DISP3: variants seen among roughly 807,000 people sequenced by gnomAD.
DISP3 encodes the protein protein dispatched homolog 3.
A neutral mutation model predicts 135.3 loss-of-function variants in DISP3; 101 were observed. That is an observed-to-expected ratio of 0.75 (90% CI 0.64 to 0.88). DISP3 has a LOEUF of 0.88. Ranked by LOEUF, DISP3 falls within the 40% of genes least tolerant of loss-of-function variation. The pLI, the probability that DISP3 is intolerant of heterozygous loss-of-function variation, is 0.00. For synonymous variants in DISP3, 856 were observed against 817.0 expected, an observed-to-expected ratio of 1.05 and a Z score of -0.81; for missense variants, 1,713 against 1,878.6, an observed-to-expected ratio of 0.91 and a Z score of 1.63.
At chr1:11,507,090 A>G (rs1641724787) in intron 3 of DISP3, among the ~76,000 whole-genome samples, 1 of 152,146 alleles carries the variant, frequency 6.6e-6, no homozygotes, top group Non-Finnish European at 1.5e-5. Context: ...TTATTCAGTG[A>G]TGAACATTAT....
chr1:11,514,329 T>A, intron 3 of DISP3, 61 bp from the exon 4 acceptor site: 1 of 1,527,604 alleles, frequency 6.5e-7, no homozygotes, highest in Non-Finnish European at 9.0e-7. Flanking sequence ...TGTTCACATG[T>A]TCACAGCCAT....
rs200654512 is a variant in DISP3 at position 11,535,031 on chromosome 1, G to T, written c.3556G>T (p.Gly1186Cys). ...TGCAGGGGTGCAGAGCGCCCTGTGC[G>T]GCCTGGTGCTATCCCTGCTCATCTG... is the stretch of plus-strand genomic sequence containing the variant. ...EIVGVQSALC[G>C]LVLSLLICVA... The change falls in exon 19 of 21, where the codon GGC (glycine) becomes TGC (cysteine). Residue 1186 changes from glycine (G) to cysteine (C), a missense_variant. Gly to Cys is a radical substitution (Grantham distance 159, BLOSUM62 -3). Transcript: ENST00000294484. The T allele has an allele frequency of 6.3e-7, 1 of 1,595,444 alleles. No homozygotes were observed.
chr1:11,535,264 G>C, intron 19 of DISP3, 140 bp downstream of exon 19: 1 of 1,028,390 alleles, frequency 9.7e-7, no homozygotes. Flanking sequence ...TGTCTCTCCT[G>C]CATGTCTGTG....
intron 3 of DISP3, among the ~76,000 whole-genome samples, chr1:11,512,510 A>G (rs1641884535): frequency 6.6e-6 from 1 of 152,134 alleles, no homozygotes; most frequent in Non-Finnish European, 1.5e-5. Flanking sequence ...CCAGTTCCCA[A>G]CAAATTCCTC....
At position 11,526,773 on chromosome 1, in the gene DISP3, C is replaced by T; in HGVS notation, c.2736C>T (p.Ala912=). The T allele has an allele frequency of 6.2e-7, 1 of 1,613,524 alleles. No individual in the cohort carries two copies. The highest frequency in any genetic ancestry group is 2.2e-5 in the East Asian group (1 of 44,876). Residue 912 remains alanine, a synonymous_variant, in exon 13 of 21, where the codon GCC becomes GCT. Coordinates refer to ENST00000294484, the MANE Select transcript of DISP3 (RefSeq NM_020780.2). The part of the protein sequence containing the change: ...KWMLTTLACD[A]KRGWKFDFSF... ...TGCTGACGACCTTGGCCTGTGATGC[C>T]AAGCGGGGCTGGAAGTTTGACTTCA... is the stretch of plus-strand genomic sequence containing the variant.
At chr1:11,504,678 G>A (rs1295100849) in intron 3 of DISP3, among the ~76,000 whole-genome samples, 2 of 152,180 alleles carry the variant, frequency 1.3e-5, no homozygotes, top group African/African-American at 4.8e-5. Flanking sequence ...GTTATAAAGC[G>A]AGGTTCCTCC....
intron 1 of DISP3, among the ~76,000 whole-genome samples, chr1:11,492,876 C>G (rs1287114449): frequency 2.6e-5 from 4 of 152,186 alleles, no homozygotes; most frequent in African/African-American, 7.2e-5. Flanking sequence ...TTCCCTGGCT[C>G]TGTTGCCGTG....
Position 11,537,042 on chromosome 1 carries a change from G to A in DISP3, c.*356G>A, listed in dbSNP as rs566843633. 1 of 245,354 alleles carries A rather than the reference G, an allele frequency of 4.1e-6. No homozygotes were observed. The highest frequency in any genetic ancestry group is 9.7e-5 in the South Asian group (1 of 10,344). The allele number at this position is 245,354 out of a possible 1,614,324, so 15.2% of individuals were successfully genotyped here. ...GTGCTCACAACCTTCCAGTGTGGAT[G>A]TTACAGGGTGGCCCCCATTCTACCG... is the stretch of plus-strand genomic sequence containing the variant. On this transcript the variant is annotated 3_prime_UTR_variant, in exon 21 of 21. Transcript: ENST00000294484.
At chr1:11,482,298 G>T (rs2100346028) in intron 1 of DISP3, among the ~76,000 whole-genome samples, 1 of 152,290 alleles carries the variant, frequency 6.6e-6, no homozygotes, top group East Asian at 1.9e-4. Flanking sequence ...GTGAGTAGGG[G>T]CTTTGCAATC....
At chr1:11,502,117 G>T (rs576622997) in intron 2 of DISP3, 29 bp downstream of exon 2, 1 of 1,529,764 alleles carries the variant, frequency 6.5e-7, no homozygotes, top group East Asian at 2.3e-5. Flanking sequence ...GGGAGGGGGC[G>T]TAGGTCCAGG....
chr1:11,531,120 C>T lies in DISP3; in HGVS notation c.3229+87C>T, dbSNP rs1024285229. The T allele has an allele frequency of 1.8e-5, 28 of 1,569,312 alleles. No homozygotes were observed. Among genetic ancestry groups the T allele is most frequent in the East Asian group, 4.5e-5 (2 of 44,470 alleles). ...AGGCCGTGGTCCAAGGTAGACAGCCCGAAGGACAGTGTCTGGCATGTGGGG... is the reference window on the plus strand; with the variant it reads ...AGGCCGTGGTCCAAGGTAGACAGCCTGAAGGACAGTGTCTGGCATGTGGGG... On this transcript the variant is annotated intron_variant, in intron 16 of 20. Coordinates refer to ENST00000294484, the MANE Select transcript of DISP3 (RefSeq NM_020780.2). The surrounding 1 kb of genome is among the most constrained non-coding windows in gnomAD (Gnocchi z 5.2).
chr1:11,534,705 G>T (rs1251708315), intron 18 of DISP3, among the ~76,000 whole-genome samples, 165 bp downstream of exon 18: 1 of 152,230 alleles, frequency 6.6e-6, no homozygotes, highest in Non-Finnish European at 1.5e-5. Context: ...TGGAGTTTGG[G>T]TCCTCTCCTG....
rs527845484 is a variant in DISP3, at chr1:11,520,725, G to A, written c.2239G>A (p.Ala747Thr). The A allele has an allele frequency of 1.2e-5, 20 of 1,612,630 alleles. No individual in the cohort carries two copies. The highest frequency in any genetic ancestry group is 2.7e-5 in the African/African-American group (2 of 74,850). Reference sequence around the variant, plus strand: ...CATCCTCATCTTGTCCCTGGTGTTCGCCAGCCGGCTCCGCCCCGCCAGCCG... The same window carrying A: ...CATCCTCATCTTGTCCCTGGTGTTCACCAGCCGGCTCCGCCCCGCCAGCCG... The part of the protein sequence containing the change: ...VSILILSLVF[A>T]SRLRPASRAP... Residue 747 changes from alanine to threonine, a missense_variant, in exon 10 of 21, where the codon GCC (alanine) becomes ACC (threonine). Around this residue, in one of 2 missense-constraint regions of DISP3, gnomAD observed 1,142 missense variants for 1,384.6 expected, o/e 0.82. Coordinates refer to ENST00000294484, the MANE Select transcript of DISP3 (RefSeq NM_020780.2). This position sits in a 1 kb window ranked among gnomAD's most constrained non-coding sequence, Gnocchi z 4.8.
intron 12 of DISP3, among the ~76,000 whole-genome samples, chr1:11,526,048 G>C (rs957766436): frequency 6.6e-6 from 1 of 152,102 alleles, no homozygotes; most frequent in African/African-American, 2.4e-5. Context: ...CTTTAACGTG[G>C]TACACACCCT....
rs12731530 is a variant in DISP3 at position 11,497,113 on chromosome 1, C to T, written c.-3-3877C>T. 3.2e-3 allele frequency among the ~76,000 whole-genome samples: 487 copies of T among 152,224 alleles called. 17 individuals carry two copies. The highest frequency in any genetic ancestry group is 0.03 in the Admixed American group (464 of 15,292). On this transcript the variant is annotated intron_variant, in intron 1 of 20. Transcript: ENST00000294484. ...ACACTCTTCCAGATCCTTCCCAACC[C>T]GGAGGAAGCTATATCCCCTGCCTAT...
Position 11,514,519 on chromosome 1 carries a change from C to A in DISP3, c.1446C>A (p.Ser482=). 6.2e-7 allele frequency: 1 copy of A among 1,613,802 alleles called. No homozygotes were observed. Residue 482 remains serine, a synonymous_variant, in exon 4 of 21, where the codon TCC becomes TCA. Coordinates refer to ENST00000294484, the MANE Select transcript of DISP3 (RefSeq NM_020780.2). ...CTGCCCTGGTCTACATCCTCACCTC[C>A]TGCTCAGGTAGGGCTTCTCTCAAGC... ...CIAALVYILT[S]CSVFLSFFGI...
chr1:11,535,737 C>T, intron 20 of DISP3, 93 bp downstream of exon 20: 1 of 1,459,424 alleles, frequency 6.9e-7, no homozygotes, highest in Non-Finnish European at 9.2e-7. Context: ...AGCTGAACAT[C>T]CCAGCACCAG....
At chr1:11,530,553 G>T (rs530954792) in intron 15 of DISP3, among the ~76,000 whole-genome samples, 1 of 152,040 alleles carries the variant, frequency 6.6e-6, no homozygotes, top group Non-Finnish European at 1.5e-5. Context: ...GTCTGCAGGC[G>T]CTCGGAGCAG....
rs1229917927 is a variant in DISP3, at chr1:11,517,447, T to C, written c.1750-16T>C. 3 of 1,613,468 alleles carry C rather than the reference T, an allele frequency of 1.9e-6. No homozygotes were observed. In the Admixed American group the frequency reaches 5.0e-5, roughly 27 times the overall value. ...TCCAACCTGTCCCACATCCCTCTCT[T>C]CCTTTCCATCACCAGATCCCAGCCG... is the stretch of plus-strand genomic sequence containing the variant. On this transcript the variant is annotated splice_polypyrimidine_tract_variant and intron_variant, in intron 6 of 20. Coordinates refer to ENST00000294484, the MANE Select transcript of DISP3 (RefSeq NM_020780.2).
Sources: gnomAD v4.1 joint callset for allele counts (sites outside exome capture counted in the v4.1 genomes callset) on GRCh38, gnomAD v4.1.1 for gene constraint, gnomAD v4.1.1 regional missense constraint, Gnocchi (gnomAD v3.1) non-coding constraint, MANE v1.5 for transcripts, NCBI Gene and HGNC (gene_info 2026-07-23, HGNC 2026-07-21) for gene names.